SH3TC2: variants seen among roughly 807,000 people sequenced by gnomAD.
SH3TC2 encodes SH3 domain and tetratricopeptide repeat-containing protein 2.
SH3TC2 carries 87 observed loss-of-function variants against 124.5 expected under a neutral mutation model. The ratio of observed to expected loss-of-function variants is 0.70; its 90% CI spans 0.59 to 0.84. The LOEUF is 0.84. Among genes scored for constraint, SH3TC2 ranks in the 40% least tolerant of loss-of-function variants. The probability of loss-of-function intolerance (pLI) is 0.00; values close to 1 mark genes in which losing one functional copy is unlikely to be tolerated. For synonymous variants in SH3TC2, 634 were observed against 628.5 expected, an observed-to-expected ratio of 1.01 and a Z score of -0.13; for missense variants, 1,536 against 1,566.4, an observed-to-expected ratio of 0.98 and a Z score of 0.33.
At chr5:149,007,420 T>C (rs1395374540) in intron 15 of SH3TC2, 2 of 545,008 alleles carry the variant, frequency 3.7e-6, no homozygotes, top group East Asian at 3.0e-5. Context: ...GCTACTGTAA[T>C]GCAGGATTCT....
chr5:149,007,569 C>G (rs956227775), intron 15 of SH3TC2: 5 of 245,162 alleles, frequency 2.0e-5, no homozygotes, highest in Non-Finnish European at 4.0e-5. Flanking sequence ...AGAGAATTAT[C>G]TTGGGTACCA....
chr5:149,029,211 G>A (rs573042128), intron 9 of SH3TC2, among the ~76,000 whole-genome samples: 1 of 152,326 alleles, frequency 6.6e-6, no homozygotes, highest in South Asian at 2.1e-4. Context: ...ATTCATTCAT[G>A]ATTCATCCAC....
chr5:149,048,144 G>T, intron 2 of SH3TC2, 155 bp from the exon 3 acceptor site: 2 of 1,021,438 alleles, frequency 2.0e-6, no homozygotes, highest in East Asian at 2.7e-5. Flanking sequence ...ACTTCTCGGA[G>T]CACTCCTTTA....
At position 149,052,159 on chromosome 5, in the gene SH3TC2, G is replaced by A. The variant is rs1275169287; in HGVS notation, c.134C>T (p.Pro45Leu). The A allele has an allele frequency of 6.2e-7, 1 of 1,611,282 alleles. No homozygotes were observed. The highest frequency in any genetic ancestry group is 8.5e-7 in the Non-Finnish European group (1 of 1,177,572). Reference sequence around the variant, plus strand: ...TTGGATACCTGGATTAATGTTCTGTGGCAGAAAACATTTTTCCTTGTATTC... The same window carrying A: ...TTGGATACCTGGATTAATGTTCTGTAGCAGAAAACATTTTTCCTTGTATTC... ...SSEYKEKCFLPQNINPDLTLS... is the reference protein window; with the variant it reads ...SSEYKEKCFLLQNINPDLTLS... Residue 45 changes from proline (P) to leucine (L), a missense_variant, in exon 2 of 17, where the codon CCA becomes CTA. Pro to Leu is a moderately conservative substitution (Grantham distance 98). This residue lies in a region of SH3TC2 where 1,102 missense variants were observed against 1,098.6 expected (regional missense o/e 1.00). Transcript: ENST00000515425.
In SH3TC2 at chr5:148,999,305, T is replaced by C. The variant is rs1163689138; in HGVS notation, c.*5406A>G. Among the ~76,000 whole-genome samples, 2 of 152,196 alleles carry C rather than the reference T, an allele frequency of 1.3e-5. No individual in the cohort carries two copies. The highest frequency in any genetic ancestry group is 2.4e-5 in the African/African-American group (1 of 41,458). On this transcript the variant is annotated 3_prime_UTR_variant, in exon 17 of 17. Coordinates refer to ENST00000515425, the MANE Select transcript of SH3TC2 (RefSeq NM_024577.4). ...TTTAGCCATTTCCTTGTCTATGACA[T>C]AAGTAAGTCTGATATAATTCTGACA...
intron 8 of SH3TC2, among the ~76,000 whole-genome samples, chr5:149,037,613 T>G (rs1177534546): frequency 6.6e-6 from 1 of 152,144 alleles, no homozygotes; most frequent in African/African-American, 2.4e-5. Context: ...TTTCCTCGTG[T>G]ACTTCCTGCG....
intron 1 of SH3TC2, among the ~76,000 whole-genome samples, chr5:149,061,075 T>C (rs1431657484): frequency 2.0e-5 from 3 of 152,134 alleles, no homozygotes; most frequent in Non-Finnish European, 4.4e-5. Context: ...TATGGGGGAA[T>C]GGCATGAAAA....
At chr5:149,023,766 G>A (rs1291758198) in intron 12 of SH3TC2, among the ~76,000 whole-genome samples, 1 of 151,820 alleles carries the variant, frequency 6.6e-6, no homozygotes. Flanking sequence ...TGTATCTTTG[G>A]TAGAGATGGG....
intron 1 of SH3TC2, among the ~76,000 whole-genome samples, chr5:149,055,940 CCAATA>C (rs1203895234): frequency 2.6e-5 from 4 of 151,970 alleles, no homozygotes; most frequent in Non-Finnish European, 4.4e-5. Flanking sequence ...ATAAATAAAT[CCAATA>C]CAACAATGAG....
chr5:148,990,120 G>T lies in SH3TC2; in HGVS notation c.*14591C>A, dbSNP rs1440372227. Among the ~76,000 whole-genome samples, 1 of 152,068 alleles carries T rather than the reference G, an allele frequency of 6.6e-6. No individual in the cohort carries two copies. Among genetic ancestry groups the T allele is most frequent in the Non-Finnish European group, 1.5e-5 (1 of 68,026 alleles). On this transcript the variant is annotated 3_prime_UTR_variant, in exon 17 of 17. Coordinates refer to ENST00000515425, the MANE Select transcript of SH3TC2 (RefSeq NM_024577.4). ...CTGGGGAAACTGAGATAGCCCCAAA[G>T]TAGGTTTCATGATGGTATGCTCTGG...
rs190128460 is a variant in SH3TC2 at position 148,985,426 on chromosome 5, G to A, written c.*19285C>T. On this transcript the variant is annotated 3_prime_UTR_variant, in exon 17 of 17. Coordinates refer to ENST00000515425, the MANE Select transcript of SH3TC2 (RefSeq NM_024577.4). Reference sequence around the variant, plus strand: ...CAGCACAGATCTGTTTGCTGATCCTGTAGTTTTTAAAATGCCATATGGATT... The same window carrying A: ...CAGCACAGATCTGTTTGCTGATCCTATAGTTTTTAAAATGCCATATGGATT... Among the ~76,000 whole-genome samples, 318 of 152,242 alleles carry A rather than the reference G, an allele frequency of 2.1e-3. 3 individuals carry two copies. Among genetic ancestry groups the A allele is most frequent in the African/African-American group, 7.6e-3 (315 of 41,544 alleles).
intron 1 of SH3TC2, among the ~76,000 whole-genome samples, chr5:149,052,992 C>T (rs1754583746): frequency 6.6e-6 from 1 of 152,320 alleles, no homozygotes; most frequent in Admixed American, 6.5e-5. Context: ...AAGTCCTTCA[C>T]ACATTAATTT....
In SH3TC2 at chr5:149,007,018, G is replaced by T. The variant is rs201876002; in HGVS notation, c.3538C>A (p.His1180Asn). ...CAGTCCTCAGCCATCTCATACATGT[G>T]CAGGGAGTAGTACACTGTAGCCAGG... ...HRLATVYYSLHMYEMAEDCYL... is the reference protein window; with the variant it reads ...HRLATVYYSLNMYEMAEDCYL... The change falls in exon 16 of 17, where the codon CAC becomes AAC. Residue 1180 changes from histidine to asparagine, a missense_variant. By Grantham distance (68) the His-to-Asn change is moderately conservative. This residue lies in a region of SH3TC2 where 426 missense variants were observed against 443.5 expected (regional missense o/e 0.96). Transcript: ENST00000515425. 2.5e-5 allele frequency: 40 copies of T among 1,614,086 alleles called. No individual in the cohort carries two copies. Among genetic ancestry groups the T allele is most frequent in the Middle Eastern group, 3.3e-4 (2 of 6,084 alleles).
chr5:149,027,513 A>G lies in SH3TC2; in HGVS notation c.2219T>C (p.Leu740Pro). 6.2e-7 allele frequency: 1 copy of G among 1,614,188 alleles called. No individual in the cohort carries two copies. Among genetic ancestry groups the G allele is most frequent in the Non-Finnish European group, 8.5e-7 (1 of 1,180,026 alleles). ...GEVSALACPMLRQALAACEEL... is the reference protein window; with the variant it reads ...GEVSALACPMPRQALAACEEL... ...CTCACAGGCAGCCAGGGCCTGTCTG[A>G]GCATTGGGCAGGCCAAGGCAGAAAC... The change falls in exon 11 of 17, where the codon CTC becomes CCC. Residue 740 changes from leucine to proline, a missense_variant. Around this residue, in one of 3 missense-constraint regions of SH3TC2, gnomAD observed 1,102 missense variants for 1,098.6 expected, o/e 1.00. Transcript: ENST00000515425.
rs1228748934 is a variant in SH3TC2 at position 149,002,138 on chromosome 5, GGA to G, written c.*2571_*2572del. ...AGAAACAGAAACAAATCTGGCCAGA[GGA>G]GAGTGAGTGGTCAGTGGGAAAAGGG... On this transcript the variant is annotated 3_prime_UTR_variant, in exon 17 of 17. Coordinates refer to ENST00000515425, the MANE Select transcript of SH3TC2 (RefSeq NM_024577.4). 7 of 152,734 alleles carry G rather than the reference GGA, an allele frequency of 4.6e-5. No homozygotes were observed. Among genetic ancestry groups the G allele is most frequent in the African/African-American group, 1.7e-4 (7 of 41,452 alleles). The allele number at this position is 152,734 out of a possible 1,614,324, so 9.5% of individuals were successfully genotyped here. A position where few individuals can be genotyped will look rare whatever the true frequency, so the allele number is the denominator to read the frequency against.
At position 149,027,709 on chromosome 5, in the gene SH3TC2, C is replaced by A; in HGVS notation, c.2023G>T (p.Val675Phe). The part of the protein sequence containing the change: ...HPPASEAVAS[V>F]LSFLYDKKYL... ...TTCTTGTCATACAGAAAACTCAAAA[C>A]ACTGGCCACAGCCTCAGAGGCAGGA... Residue 675 changes from valine (V) to phenylalanine (F), a missense_variant, in exon 11 of 17, where the codon GTT (valine) becomes TTT (phenylalanine). Val to Phe is a conservative substitution (Grantham distance 50). Coordinates refer to ENST00000515425, the MANE Select transcript of SH3TC2 (RefSeq NM_024577.4). The A allele has an allele frequency of 6.2e-7, 1 of 1,614,096 alleles. No homozygotes were observed. Among genetic ancestry groups the A allele is most frequent in the South Asian group, 1.1e-5 (1 of 91,080 alleles).
intron 8 of SH3TC2, among the ~76,000 whole-genome samples, chr5:149,034,125 A>T (rs185142292): frequency 7.2e-5 from 11 of 152,208 alleles, no homozygotes; most frequent in Admixed American, 6.5e-4. Context: ...AGAAGCTACA[A>T]TGAAAAGATG....
Position 149,062,982 on chromosome 5 carries a change from G to A in SH3TC2, c.41C>T (p.Thr14Ile), listed in dbSNP as rs766071678. Reference sequence around the variant, plus strand: ...CCTGGGAAACTCACCTGGGCCCCGGGTCAGACTCCGCTCCCTGGGGATGCA... The same window carrying A: ...CCTGGGAAACTCACCTGGGCCCCGGATCAGACTCCGCTCCCTGGGGATGCA... Reference protein sequence around the residue: ...CFCIPRERSLTRGPGKETPSK... With the variant: ...CFCIPRERSLIRGPGKETPSK... The change falls in exon 1 of 17, where the codon ACC (threonine) becomes ATC (isoleucine). Residue 14 changes from threonine (T) to isoleucine (I), a missense_variant. Physicochemically the swap from Thr to Ile is moderately conservative, Grantham distance 89. This residue lies in a region of SH3TC2 where 1,102 missense variants were observed against 1,098.6 expected (regional missense o/e 1.00). Transcript: ENST00000515425. The A allele has an allele frequency of 6.3e-7, 1 of 1,596,804 alleles. No homozygotes were observed. Among genetic ancestry groups the A allele is most frequent in the Admixed American group, 1.7e-5 (1 of 58,254 alleles).
intron 6 of SH3TC2, among the ~76,000 whole-genome samples, chr5:149,041,099 C>T (rs565147983): frequency 6.6e-6 from 1 of 152,076 alleles, no homozygotes; most frequent in Non-Finnish European, 1.5e-5. Context: ...TAGACTCAAC[C>T]CCAAGAAAGT....
Sources: allele counts gnomAD v4.1 joint callset (sites outside exome capture counted in the v4.1 genomes callset), GRCh38; gene constraint gnomAD v4.1.1; regional missense constraint gnomAD v4.1.1; transcripts MANE v1.5; gene names NCBI Gene and HGNC (gene_info 2026-07-23, HGNC 2026-07-21).